BEST3: variants seen among roughly 807,000 people sequenced by gnomAD.
BEST3 encodes the protein bestrophin-3.
In BEST3, 50 loss-of-function variants were observed where a neutral mutation model predicts 47.1. That is an observed-to-expected ratio of 1.06 (90% CI 0.85 to 1.34). The LOEUF is 1.34. Among genes scored for constraint, BEST3 ranks in the 40% most tolerant of loss-of-function variants. The pLI is 0.00. For synonymous variants in BEST3, 282 were observed against 298.8 expected (o/e 0.94, Z 0.58); for missense variants, 765 against 817.0 (o/e 0.94, Z 0.78).
Position 69,691,566 on chromosome 12 carries a change from G to A in BEST3, c.481+2108C>T, listed in dbSNP as rs533383968. 2.6e-3 allele frequency among the ~76,000 whole-genome samples: 402 copies of A among 152,242 alleles called. 1 individual carries two copies. Among genetic ancestry groups the A allele is most frequent in the Non-Finnish European group, 5.4e-3 (366 of 68,020 alleles). ...TCCCAGCACTTTGGGAGGCCGAGGT[G>A]GGCGGATCACAAGGTCAAGAGATTG... On this transcript the variant is annotated intron_variant, in intron 4 of 9. Transcript: ENST00000330891.
Position 69,645,735 on chromosome 12 carries a change from C to T in BEST3, c.1101-1948G>A, listed in dbSNP as rs117603681. Among the ~76,000 whole-genome samples the T allele has an allele frequency of 8.1e-3, 1,236 of 152,176 alleles. 3 individuals are homozygous for T. Among genetic ancestry groups the T allele is most frequent in the Non-Finnish European group, 0.011 (734 of 67,998 alleles). On this transcript the variant is annotated intron_variant, in intron 9 of 9. Coordinates refer to the BEST3 transcript ENST00000331471. ...ATGGGTAATAGGGCTTTGTAGCTGTCGTGAGGACCGATTGAAGTGATATAT... is the reference window on the plus strand; with the variant it reads ...ATGGGTAATAGGGCTTTGTAGCTGTTGTGAGGACCGATTGAAGTGATATAT...
chr12:69,648,591 G>C (rs935632244), intron 9 of BEST3, among the ~76,000 whole-genome samples: 1 of 152,164 alleles, frequency 6.6e-6, no homozygotes, highest in Non-Finnish European at 1.5e-5. Flanking sequence ...AGAGAGAGTG[G>C]CAGATCCATT....
intron 9 of BEST3, 128 bp from the exon 10 acceptor site, chr12:69,655,941 A>G (rs1883464935): frequency 1.4e-6 from 2 of 1,388,158 alleles, no homozygotes; most frequent in South Asian, 3.1e-5. Context: ...GGGTTTGAGG[A>G]CTTGAGATAG....
intron 4 of BEST3, among the ~76,000 whole-genome samples, chr12:69,680,326 T>TTTTTTTTTTTTTTTTTTTTTG (rs1555207061): frequency 6.9e-6 from 1 of 144,914 alleles, no homozygotes; most frequent in Non-Finnish European, 1.5e-5. Context: ...TTTTTTTTTT[T>TTTTTTTTTTTTTTTTTTTTTG]TAGATGGAGT....
chr12:69,645,061 G>T (rs915178422), intron 9 of BEST3, among the ~76,000 whole-genome samples: 1 of 152,094 alleles, frequency 6.6e-6, no homozygotes, highest in Non-Finnish European at 1.5e-5. Flanking sequence ...AACCTATGGG[G>T]GGCCTCTTTT....
chr12:69,697,482 T>C (rs537627583), intron 2 of BEST3, among the ~76,000 whole-genome samples, 165 bp downstream of exon 2: 3 of 152,292 alleles, frequency 2.0e-5, no homozygotes, highest in South Asian at 2.1e-4. Flanking sequence ...CAATGGTTAG[T>C]GGTGGATTAA....
chr12:69,693,628 G>T, intron 4 of BEST3, 46 bp downstream of exon 4: 1 of 1,407,606 alleles, frequency 7.1e-7, no homozygotes, highest in Non-Finnish European at 1.0e-6. Context: ...TGGAGGTCCT[G>T]TCTCAGCTGA....
chr12:69,658,101 G>C (rs1379344370), intron 9 of BEST3, among the ~76,000 whole-genome samples: 4 of 152,158 alleles, frequency 2.6e-5, no homozygotes, highest in South Asian at 2.1e-4. Flanking sequence ...CTCTGGATGT[G>C]TTCTGGGAAT....
chr12:69,681,740 C>T (rs1885264134), intron 4 of BEST3, among the ~76,000 whole-genome samples: 1 of 152,156 alleles, frequency 6.6e-6, no homozygotes, highest in African/African-American at 2.4e-5. Flanking sequence ...GGCAGGAGTT[C>T]TCAACCCAAG....
intron 9 of BEST3, among the ~76,000 whole-genome samples, chr12:69,662,009 C>T (rs1883903034): frequency 6.6e-6 from 1 of 152,104 alleles, no homozygotes; most frequent in South Asian, 2.1e-4. Flanking sequence ...AAAGTTCCCT[C>T]TTTAATATTG....
At chr12:69,689,178 G>A (rs1885810672) in intron 4 of BEST3, 2 of 985,432 alleles carry the variant, frequency 2.0e-6, no homozygotes, top group Non-Finnish European at 2.4e-6. Flanking sequence ...AGAAACCTTG[G>A]CACAGGCAAA....
chr12:69,665,532 G>A (rs1289654477), intron 9 of BEST3, among the ~76,000 whole-genome samples: 2 of 152,128 alleles, frequency 1.3e-5, no homozygotes, highest in African/African-American at 4.8e-5. Flanking sequence ...AGTGGAGGTT[G>A]CAGTGAGCTG....
At chr12:69,678,707 C>A in intron 5 of BEST3, 32 bp downstream of exon 5, 4 of 1,603,392 alleles carry the variant, frequency 2.5e-6, no homozygotes, top group South Asian at 1.1e-5. Context: ...CTCTAATTAG[C>A]GTATTTTTCT....
chr12:69,653,840 G>A lies in BEST3; in HGVS notation c.*1067C>T. 1 of 985,458 alleles carries A rather than the reference G, an allele frequency of 1.0e-6. No individual in the cohort carries two copies. Among genetic ancestry groups the A allele is most frequent in the Non-Finnish European group, 1.2e-6 (1 of 829,954 alleles). The allele number at this position is 985,458 out of a possible 1,614,324, so 61.0% of individuals were successfully genotyped here. A position where few individuals can be genotyped will look rare whatever the true frequency, so the allele number is the denominator to read the frequency against. The stretch of plus-strand genomic sequence containing the variant: ...CTGCCCATTCCCAAATGACCCGATA[G>A]ACACAGTAACTGGTCCCGTGTTGCG... On this transcript the variant is annotated 3_prime_UTR_variant, in exon 10 of 10. Coordinates refer to ENST00000330891, the MANE Select transcript of BEST3 (RefSeq NM_032735.3).
intron 7 of BEST3, among the ~76,000 whole-genome samples, chr12:69,675,145 G>C (rs934350740): frequency 1.3e-5 from 2 of 151,926 alleles, no homozygotes; most frequent in Admixed American, 6.6e-5. Context: ...TTTTAGACAG[G>C]GTCTTGCTCT....
At chr12:69,676,139 C>G (rs1884902695) in intron 7 of BEST3, among the ~76,000 whole-genome samples, 1 of 152,174 alleles carries the variant, frequency 6.6e-6, no homozygotes, top group Non-Finnish European at 1.5e-5. Context: ...GATAGTTAGG[C>G]AAACCATTCT....
rs543241186 is a variant in BEST3, at chr12:69,679,664, G to C, written c.482-771C>G. On this transcript the variant is annotated intron_variant, in intron 4 of 9. Coordinates refer to ENST00000330891, the MANE Select transcript of BEST3 (RefSeq NM_032735.3). The stretch of plus-strand genomic sequence containing the variant: ...TCACTTGAGGTCAGGAGTTCAACAC[G>C]AGCCTGGCCAACATGGTGAAACCCC... Among the ~76,000 whole-genome samples the C allele has an allele frequency of 2.0e-5, 3 of 152,116 alleles. No individual in the cohort carries two copies. In the East Asian group the frequency reaches 5.8e-4, roughly 29 times the overall value.
At chr12:69,687,662 T>C (rs1483202970) in intron 4 of BEST3, among the ~76,000 whole-genome samples, 1 of 17,762 alleles carries the variant, frequency 5.6e-5, no homozygotes, top group Non-Finnish European at 1.4e-4. Context: ...AGAACGTGTC[T>C]CAAAAAAAAA....
In BEST3 at chr12:69,677,192, C is replaced by T. The variant is rs768457172; in HGVS notation, c.702G>A (p.Leu234=). 1 of 1,613,800 alleles carries T rather than the reference C, an allele frequency of 6.2e-7. No individual in the cohort carries two copies. The highest frequency in any genetic ancestry group is 2.2e-5 in the East Asian group (1 of 44,848). The change falls in exon 6 of 10, where the codon CTG becomes CTA. Residue 234 remains leucine (L), a synonymous_variant. Coordinates refer to ENST00000330891, the MANE Select transcript of BEST3 (RefSeq NM_032735.3). Reference sequence around the variant, plus strand: ...AAGTATTTCTTACCTGGGTGTAAACCAGCGGAATCCCAACCCAGTCATAAC... The same window carrying T: ...AAGTATTTCTTACCTGGGTGTAAACTAGCGGAATCCCAACCCAGTCATAAC... ...LFGYDWVGIP[L]VYTQVVTLAV...
Sources: gnomAD v4.1 joint callset for allele counts (sites outside exome capture counted in the v4.1 genomes callset) on GRCh38, gnomAD v4.1.1 for gene constraint, MANE v1.5 for transcripts, NCBI Gene and HGNC (gene_info 2026-07-23, HGNC 2026-07-21) for gene names.